The following MYO1F variants were observed in gnomAD, a reference collection of about 807,000 sequenced individuals.
MYO1F encodes the protein myosin IF.
In MYO1F, 60 loss-of-function variants were observed where a neutral mutation model predicts 146.6. The ratio of observed to expected loss-of-function variants is 0.41; its 90% CI spans 0.33 to 0.51. MYO1F has a LOEUF of 0.51. Ranked by LOEUF, MYO1F falls within the 20% of genes least tolerant of loss-of-function variation. The probability of loss-of-function intolerance (pLI) is 0.25; values close to 1 mark genes in which losing one functional copy is unlikely to be tolerated. For synonymous variants in MYO1F, 602 were observed against 602.1 expected, an observed-to-expected ratio of 1.00 and a Z score of 0.00; for missense variants, 1,274 against 1,534.3, an observed-to-expected ratio of 0.83 and a Z score of 2.83.
intron 14 of MYO1F, among the ~76,000 whole-genome samples, chr19:8,543,668 GGTGGT>G (rs1973085650): frequency 3.1e-5 from 2 of 65,098 alleles, no homozygotes; most frequent in Non-Finnish European, 6.6e-5. Context: ...TGGTGGTGGT[GGTGGT>G]GCTGGTGGTG....
In MYO1F at chr19:8,530,243, G is replaced by C; in HGVS notation, c.2281C>G (p.Arg761Gly). 6.2e-7 allele frequency: 1 copy of C among 1,614,020 alleles called. No homozygotes were observed. The highest frequency in any genetic ancestry group is 1.1e-5 in the South Asian group (1 of 91,072). Residue 761 changes from arginine (R) to glycine (G), a missense_variant, in exon 21 of 28, where the codon CGG (arginine) becomes GGG (glycine). Arg to Gly is a moderately radical substitution (Grantham distance 125). Coordinates refer to ENST00000644032, the MANE Select transcript of MYO1F (RefSeq NM_012335.4). This position sits in a 1 kb window ranked among gnomAD's most constrained non-coding sequence, Gnocchi z 5.8. Reference protein sequence around the residue: ...ELRQFLGKRERVDFADSVTKY... With the variant: ...ELRQFLGKREGVDFADSVTKY... ...GTGACCGAATCGGCGAAGTCCACCC[G>C]CTCCCTCTTGCCCAGGAACTGACGC...
rs774014268 is a variant in MYO1F, at chr19:8,526,816, C to T, written c.2594G>A (p.Arg865Lys). The change falls in exon 23 of 28, where the codon AGG becomes AAG. Residue 865 changes from arginine (R) to lysine (K), a missense_variant. By Grantham distance (26) the Arg-to-Lys change is conservative. Around this residue, in one of 2 missense-constraint regions of MYO1F, gnomAD observed 374 missense variants for 379.2 expected, o/e 0.99. Transcript: ENST00000644032. Reference protein sequence around the residue: ...LCKRFEEATRRPLPLTFSDTL... With the variant: ...LCKRFEEATRKPLPLTFSDTL... ...GTCGCTGAAGGTGAGGGGCAGGGGC[C>T]TCCGCGTCGCCTCCTCGAAGCGCTT... The T allele has an allele frequency of 6.2e-6, 10 of 1,612,986 alleles. No individual in the cohort carries two copies. The Middle Eastern group carries it at 6.7e-4, about 108-fold the overall frequency.
At chr19:8,521,948 C>T (rs905748098) in intron 27 of MYO1F, among the ~76,000 whole-genome samples, 14 of 152,000 alleles carry the variant, frequency 9.2e-5, no homozygotes, top group African/African-American at 3.4e-4. Context: ...AGCCACCTCG[C>T]CCATCTGTTA....
intron 16 of MYO1F, among the ~76,000 whole-genome samples, chr19:8,537,425 TG>T (rs1186038661): frequency 1.3e-5 from 2 of 152,114 alleles, no homozygotes; most frequent in African/African-American, 4.8e-5. Flanking sequence ...CTTGGGTGTT[TG>T]TTTTTTTTGT....
chr19:8,575,438 G>T (rs1399439070), intron 1 of MYO1F, among the ~76,000 whole-genome samples: 1 of 151,872 alleles, frequency 6.6e-6, no homozygotes, highest in African/African-American at 2.4e-5. Flanking sequence ...TCACAACAGG[G>T]TTTGCGATCC....
At chr19:8,569,012 C>T (rs370691742) in intron 1 of MYO1F, among the ~76,000 whole-genome samples, 30 of 152,138 alleles carry the variant, frequency 2.0e-4, no homozygotes, top group African/African-American at 7.0e-4. Flanking sequence ...AAAAATGCGC[C>T]GAGATGCCTC....
At chr19:8,523,999 G>C (rs1972162037) in intron 25 of MYO1F, among the ~76,000 whole-genome samples, 1 of 150,990 alleles carries the variant, frequency 6.6e-6, no homozygotes, top group South Asian at 2.1e-4. Flanking sequence ...TGTGCCTGTA[G>C]TCCCAGCTAC....
rs560479730 is a variant in MYO1F, at chr19:8,526,376, C to G, written c.2770+77G>C. 20 of 1,529,290 alleles carry G rather than the reference C, an allele frequency of 1.3e-5. No individual in the cohort carries two copies. In the South Asian group the frequency reaches 1.4e-4, roughly 11 times the overall value. The allele number at this position is 1,529,290 out of a possible 1,614,324, so 94.7% of individuals were successfully genotyped here. A position where few individuals can be genotyped will look rare whatever the true frequency, so the allele number is the denominator to read the frequency against. ...CTCTCTCTCTCTCTCTGTAGACACT[C>G]CCCTTCCTGGCCTTCGTCCACTCTT... is the stretch of plus-strand genomic sequence containing the variant. On this transcript the variant is annotated intron_variant, in intron 24 of 27. Coordinates refer to ENST00000644032, the MANE Select transcript of MYO1F (RefSeq NM_012335.4).
At chr19:8,570,998 G>A (rs1263735245) in intron 1 of MYO1F, among the ~76,000 whole-genome samples, 1 of 152,194 alleles carries the variant, frequency 6.6e-6, no homozygotes, top group Non-Finnish European at 1.5e-5. Flanking sequence ...AAATGCTAGC[G>A]TTCCTCACTG....
chr19:8,542,453 C>T (rs1288700959), intron 14 of MYO1F, among the ~76,000 whole-genome samples: 1 of 149,698 alleles, frequency 6.7e-6, no homozygotes, highest in Non-Finnish European at 1.5e-5. Context: ...GGTAACAGCC[C>T]TGTCTCAGGG....
chr19:8,524,606 A>C (rs900051433), intron 25 of MYO1F, among the ~76,000 whole-genome samples: 1 of 150,352 alleles, frequency 6.7e-6, no homozygotes, highest in Non-Finnish European at 1.5e-5. Context: ...AAAAGAAAGA[A>C]TTTTTGGTAG....
intron 21 of MYO1F, among the ~76,000 whole-genome samples, chr19:8,528,584 AAAAAG>A (rs1348482809): frequency 6.6e-6 from 1 of 152,158 alleles, no homozygotes; most frequent in Non-Finnish European, 1.5e-5. Flanking sequence ...AAGAAAAACA[AAAAAG>A]AAACGAGGTC....
At chr19:8,566,807 A>C (rs1380965830) in intron 1 of MYO1F, among the ~76,000 whole-genome samples, 1 of 151,326 alleles carries the variant, frequency 6.6e-6, no homozygotes. Flanking sequence ...AGCCACCATA[A>C]CTGGCCTTTA....
rs200334457 is a variant in MYO1F at position 8,569,098 on chromosome 19, TTGAA to T, written c.3+8205_3+8208del. Reference sequence around the variant, plus strand: ...AGAAAGCCTGGTCAATACATACTTGTTGAATGAATGAATGAATGAATGAAGTCCT... The same window carrying T: ...AGAAAGCCTGGTCAATACATACTTGTTGAATGAATGAATGAATGAAGTCCT... On this transcript the variant is annotated intron_variant, in intron 1 of 27. Transcript: ENST00000644032. Among the ~76,000 whole-genome samples the T allele has an allele frequency of 5.9e-3, 895 of 152,074 alleles. 10 individuals are homozygous for T. The highest frequency in any genetic ancestry group is 0.02 in the African/African-American group (828 of 41,468).
At chr19:8,544,519 A>G (rs989280913) in intron 13 of MYO1F, 55 bp from the exon 14 acceptor site, 1 of 1,538,042 alleles carries the variant, frequency 6.5e-7, no homozygotes, top group South Asian at 1.1e-5. Flanking sequence ...TTGCCTCCCC[A>G]CAGCTCGTCA....
chr19:8,544,036 C>CGGTGCTGGTGGTGGTGGTGGTGGTGGT (rs1973219766), intron 14 of MYO1F: 5 of 270,310 alleles, frequency 1.8e-5, no homozygotes, highest in Non-Finnish European at 3.2e-5. Context: ...GTGGCGGTGG[C>CGGTGCTGGTGGTGGTGGTGGTGGTGGT]GGTGCTGGTG....
In MYO1F at chr19:8,530,475, C is replaced by T. The variant is rs1030987692; in HGVS notation, c.2142G>A (p.Glu714=). 2 of 1,613,702 alleles carry T rather than the reference C, an allele frequency of 1.2e-6. No homozygotes were observed. Among genetic ancestry groups the T allele is most frequent in the Non-Finnish European group, 1.7e-6 (2 of 1,180,036 alleles). Residue 714 remains glutamate, a synonymous_variant, in exon 20 of 28, where the codon GAG becomes GAA. Transcript: ENST00000644032. This position sits in a 1 kb window ranked among gnomAD's most constrained non-coding sequence, Gnocchi z 5.8. ...GCCTCTCACCTTCCTCCCGCATCTC[C>T]TCGTACTTCCGGACAGCCACGTGGC... is the stretch of plus-strand genomic sequence containing the variant. The part of the protein sequence containing the change: ...WRRHVAVRKY[E]EMREEASNIL...
Position 8,521,512 on chromosome 19 carries a change from T to C in MYO1F, c.*16A>G. ...GATAGGCGGGCGAAAGAGAAGGCAG[T>C]ATCCCAGGGCCCAGCTCAGATCTTC... On this transcript the variant is annotated 3_prime_UTR_variant, in exon 28 of 28. Coordinates refer to ENST00000644032, the MANE Select transcript of MYO1F (RefSeq NM_012335.4). 6.2e-7 allele frequency: 1 copy of C among 1,612,466 alleles called. No homozygotes were observed. The highest frequency in any genetic ancestry group is 1.3e-5 in the African/African-American group (1 of 75,028).
intron 17 of MYO1F, 32 bp from the exon 18 acceptor site, chr19:8,536,629 G>C: frequency 3.4e-6 from 5 of 1,475,382 alleles, no homozygotes; most frequent in Non-Finnish European, 4.7e-6. Flanking sequence ...GTCCCCTCGG[G>C]GTGGGGAGTC....
Sources: allele counts gnomAD v4.1 joint callset (sites outside exome capture counted in the v4.1 genomes callset), GRCh38; gene constraint gnomAD v4.1.1; regional missense constraint gnomAD v4.1.1; non-coding constraint Gnocchi (gnomAD v3.1); transcripts MANE v1.5; gene names NCBI Gene and HGNC (gene_info 2026-07-23, HGNC 2026-07-21).